The following AGAP5 variants were observed in gnomAD, a reference collection of about 807,000 sequenced individuals.
AGAP5 encodes arf-GAP with GTPase, ANK repeat and PH domain-containing protein 5.
AGAP5 carries 8 observed loss-of-function variants against 27.7 expected under a neutral mutation model. The ratio of observed to expected loss-of-function variants is 0.29; its 90% CI spans 0.17 to 0.52. The LOEUF (loss-of-function observed/expected upper bound fraction) is 0.52. Ranked by LOEUF, AGAP5 falls within the 20% of genes least tolerant of loss-of-function variation. The pLI is 0.97. For missense variants in AGAP5, 285 were observed against 880.8 expected, an observed-to-expected ratio of 0.32 and a Z score of 8.56; for synonymous variants, 111 against 338.0, an observed-to-expected ratio of 0.33 and a Z score of 7.37.
intron 4 of AGAP5, among the ~76,000 whole-genome samples, chr10:73,690,432 C>T (rs2132456257): frequency 6.6e-6 from 1 of 152,162 alleles, no homozygotes; most frequent in South Asian, 2.1e-4. Context: ...AGAGTCATCA[C>T]CACTCCCTAA....
chr10:73,674,355 G>A lies in AGAP5; in HGVS notation c.*244C>T. The stretch of plus-strand genomic sequence containing the variant: ...TTTTATCTAAATACATAATACAGAA[G>A]CCTGTGTGACTTGGGCAATGTGGCC... On this transcript the variant is annotated 3_prime_UTR_variant, in exon 8 of 8. Coordinates refer to ENST00000374094, the MANE Select transcript of AGAP5 (RefSeq NM_001144000.4). The A allele has an allele frequency of 1.5e-6, 1 of 649,548 alleles. No homozygotes were observed. The highest frequency in any genetic ancestry group is 2.7e-6 in the Non-Finnish European group (1 of 373,594). 40.2% of individuals were successfully genotyped at this position (649,548 alleles called of 1,614,324 possible).
At chr10:73,688,624 T>C (rs1240600121) in intron 4 of AGAP5, among the ~76,000 whole-genome samples, 1 of 145,110 alleles carries the variant, frequency 6.9e-6, no homozygotes, top group South Asian at 2.2e-4. Context: ...CTGAAAAAAA[T>C]AGAAGGGGAA....
Position 73,697,744 on chromosome 10 carries a change from T to G in AGAP5, c.12A>C (p.Ile4=). 6.3e-7 allele frequency: 1 copy of G among 1,597,706 alleles called. No individual in the cohort carries two copies. Among genetic ancestry groups the G allele is most frequent in the Non-Finnish European group, 8.5e-7 (1 of 1,179,790 alleles). The change falls in exon 1 of 8, where the codon ATA becomes ATC. Residue 4 remains isoleucine, a synonymous_variant. Transcript: ENST00000374094. The part of the protein sequence containing the change: MGN[I]LTCCVHPSVS... Reference sequence around the variant, plus strand: ...CGCTAGGGTGCACACAACAGGTCAGTATGTTCCCCATGGGGCGCCTCTACT... The same window carrying G: ...CGCTAGGGTGCACACAACAGGTCAGGATGTTCCCCATGGGGCGCCTCTACT...
chr10:73,691,132 G>T (rs1235390209), intron 4 of AGAP5, among the ~76,000 whole-genome samples: 1 of 152,134 alleles, frequency 6.6e-6, no homozygotes, highest in African/African-American at 2.4e-5. Context: ...AACGATATTT[G>T]GATAGATAAA....
rs564065614 is a variant in AGAP5 at position 73,685,772 on chromosome 10, C to T, written c.397-2978G>A. ...TTCACCATGTTGGCCTGGCTGGTCT[C>T]GAACTCCTGACCTCATGATCCGTCC... is the stretch of plus-strand genomic sequence containing the variant. On this transcript the variant is annotated intron_variant, in intron 4 of 7. Transcript: ENST00000374094. 1.3e-4 allele frequency among the ~76,000 whole-genome samples: 20 copies of T among 152,108 alleles called. No homozygotes were observed. The South Asian group carries it at 2.5e-3, about 19-fold the overall frequency.
chr10:73,690,470 G>T (rs894885090), intron 4 of AGAP5, among the ~76,000 whole-genome samples: 7 of 152,024 alleles, frequency 4.6e-5, no homozygotes, highest in Non-Finnish European at 1.0e-4. Flanking sequence ...CACAAACACT[G>T]CGGAAGGCCG....
chr10:73,694,715 G>T, intron 3 of AGAP5, 21 bp downstream of exon 3: 1 of 1,596,780 alleles, frequency 6.3e-7, no homozygotes, highest in East Asian at 2.2e-5. Context: ...TCTCTTGGCG[G>T]AAAAAACAAT....
At chr10:73,686,056 T>C (rs548250405) in intron 4 of AGAP5, among the ~76,000 whole-genome samples, 51 of 152,142 alleles carry the variant, frequency 3.4e-4, no homozygotes, top group African/African-American at 1.2e-3. Context: ...GAAAAAACAA[T>C]CCTGAAATTT....
chr10:73,691,966 T>G, intron 4 of AGAP5, 77 bp downstream of exon 4: 1 of 1,297,734 alleles, frequency 7.7e-7, no homozygotes, highest in Non-Finnish European at 1.0e-6. Context: ...AGGTCCACAT[T>G]GTAATTTAAA....
chr10:73,679,249 G>A (rs1191814793), intron 6 of AGAP5, among the ~76,000 whole-genome samples: 2 of 151,844 alleles, frequency 1.3e-5, no homozygotes, highest in Admixed American at 6.6e-5. Flanking sequence ...TGCAACCTCC[G>A]CCTCCCAAGT....
chr10:73,691,378 G>A lies in AGAP5; in HGVS notation c.396+665C>T, dbSNP rs530007245. 1.2e-3 allele frequency among the ~76,000 whole-genome samples: 183 copies of A among 152,232 alleles called. 2 individuals carry two copies. The highest frequency in any genetic ancestry group is 4.3e-3 in the African/African-American group (180 of 41,522). On this transcript the variant is annotated intron_variant, in intron 4 of 7. Coordinates refer to ENST00000374094, the MANE Select transcript of AGAP5 (RefSeq NM_001144000.4). ...GAGAAACATAAGATCATGGTGTAGC[G>A]GGGAAGGTATGCTTTTACCTGCTGT...
At chr10:73,687,066 C>A (rs1373703472) in intron 4 of AGAP5, among the ~76,000 whole-genome samples, 2 of 151,956 alleles carry the variant, frequency 1.3e-5, no homozygotes, top group Non-Finnish European at 2.9e-5. Flanking sequence ...TCTCACAAAT[C>A]ATCACTAAAG....
At chr10:73,688,372 G>C (rs1417738609) in intron 4 of AGAP5, among the ~76,000 whole-genome samples, 1 of 152,078 alleles carries the variant, frequency 6.6e-6, no homozygotes, top group Non-Finnish European at 1.5e-5. Context: ...CTCACACTGA[G>C]TGCTATCAGT....
chr10:73,685,703 C>T (rs2082057652), intron 4 of AGAP5, among the ~76,000 whole-genome samples: 1 of 151,984 alleles, frequency 6.6e-6, no homozygotes, highest in Non-Finnish European at 1.5e-5. Flanking sequence ...CAGGTGAGCA[C>T]CACCACGCCC....
intron 6 of AGAP5, among the ~76,000 whole-genome samples, chr10:73,677,351 G>GAAGGCCT (rs1213425655): frequency 1.4e-5 from 2 of 143,142 alleles, no homozygotes; most frequent in Non-Finnish European, 3.0e-5. Flanking sequence ...ACCCCTTCCA[G>GAAGGCCT]AAGGCCTAAG....
At chr10:73,689,519 C>A (rs1214870723) in intron 4 of AGAP5, among the ~76,000 whole-genome samples, 2 of 151,602 alleles carry the variant, frequency 1.3e-5, no homozygotes, top group Non-Finnish European at 1.5e-5. Flanking sequence ...CTCTGCCCGG[C>A]CGCCATCCCA....
Position 73,674,342 on chromosome 10 carries a change from A to G in AGAP5, c.*257T>C. On this transcript the variant is annotated 3_prime_UTR_variant, in exon 8 of 8. Coordinates refer to ENST00000374094, the MANE Select transcript of AGAP5 (RefSeq NM_001144000.4). ...ATATTTTCACACATTTTATCTAAAT[A>G]CATAATACAGAAGCCTGTGTGACTT... 1 of 681,122 alleles carries G rather than the reference A, an allele frequency of 1.5e-6. No homozygotes were observed. The highest frequency in any genetic ancestry group is 4.2e-4 in the Middle Eastern group (1 of 2,358). 42.2% of individuals were successfully genotyped at this position (681,122 alleles called of 1,614,324 possible).
At chr10:73,696,145 T>TGG (rs2082159944) in intron 2 of AGAP5, among the ~76,000 whole-genome samples, 1 of 152,078 alleles carries the variant, frequency 6.6e-6, no homozygotes, top group Non-Finnish European at 1.5e-5. Flanking sequence ...TGTGAGTAGG[T>TGG]GGAACTACAG....
intron 4 of AGAP5, among the ~76,000 whole-genome samples, chr10:73,689,934 G>T: frequency 6.6e-6 from 1 of 151,186 alleles, no homozygotes; most frequent in African/African-American, 2.4e-5. Context: ...GCCCCTACTG[G>T]GAAGTGAGGA....
Sources: gnomAD v4.1 joint callset for allele counts (sites outside exome capture counted in the v4.1 genomes callset) on GRCh38, gnomAD v4.1.1 for gene constraint, MANE v1.5 for transcripts, NCBI Gene and HGNC (gene_info 2026-07-23, HGNC 2026-07-21) for gene names.